The following CHRDL1 variants were observed in gnomAD, a reference collection of about 807,000 sequenced individuals.
The protein encoded by CHRDL1 is chordin-like protein 1.
Under a neutral mutation model 40.9 loss-of-function variants are expected in CHRDL1, and 19 were observed. The observed-to-expected ratio is 0.46, with a 90% CI of 0.32 to 0.68. CHRDL1 has a LOEUF of 0.68. CHRDL1 is among the 30% of genes least tolerant of loss of function. The pLI is 0.03. For missense variants in CHRDL1, 329 were observed against 352.1 expected, an observed-to-expected ratio of 0.93 and a Z score of 0.53; for synonymous variants, 136 against 123.4, an observed-to-expected ratio of 1.10 and a Z score of -0.68.
At chrX:110,689,263 T>A (rs55937617) in intron 8 of CHRDL1, among the ~76,000 whole-genome samples, 1 of 62,472 alleles carries the variant, frequency 1.6e-5, no homozygotes, top group Non-Finnish European at 2.9e-5. Context: ...GCTTTTTTTT[T>A]TTTTTTTAAT....
chrX:110,689,442 ATATATATC>A lies in CHRDL1; in HGVS notation c.779-647_779-640del, dbSNP rs1395553872. Among the ~76,000 whole-genome samples, 26 of 42,407 alleles carry A rather than the reference ATATATATC, an allele frequency of 6.1e-4. 1 individual carries two copies. Among genetic ancestry groups the A allele is most frequent in the African/African-American group, 4.8e-3 (18 of 3,761 alleles). The allele number at this position is 42,407 out of a possible 115,157, so 36.8% of individuals were successfully genotyped here. A position where few individuals can be genotyped will look rare whatever the true frequency, so the allele number is the denominator to read the frequency against. On this transcript the variant is annotated intron_variant, in intron 8 of 11. Coordinates refer to ENST00000372042, the MANE Select transcript of CHRDL1 (RefSeq NM_001143981.2). ...TATATATCTATATATCTATATATCT[ATATATATC>A]TATATATCTATATATATCTATATAT...
At chrX:110,697,702 A>G (rs2070415836) in intron 7 of CHRDL1, among the ~76,000 whole-genome samples, 1 of 108,562 alleles carries the variant, frequency 9.2e-6, no homozygotes, top group South Asian at 4.1e-4. Flanking sequence ...AACGTAATCT[A>G]CAGGGGGCAA....
chrX:110,786,779 T>G (rs1470238702), intron 2 of CHRDL1, among the ~76,000 whole-genome samples: 2 of 112,467 alleles, frequency 1.8e-5, no homozygotes, highest in East Asian at 5.6e-4. Context: ...CAAATGTAGG[T>G]TCCTGAAAAA....
chrX:110,778,429 T>C (rs2089887522), intron 2 of CHRDL1, among the ~76,000 whole-genome samples: 1 of 111,322 alleles, frequency 9.0e-6, no homozygotes, highest in Admixed American at 9.5e-5. Context: ...ATAACCTCAT[T>C]AAAAAGCAGA....
chrX:110,773,230 C>A (rs1426375322), intron 2 of CHRDL1, among the ~76,000 whole-genome samples: 1 of 112,178 alleles, frequency 8.9e-6, no homozygotes, highest in Non-Finnish European at 1.9e-5. Context: ...ATATTTCCTT[C>A]TAAGCACTGC....
rs368442413 is a variant in CHRDL1 at position 110,719,846 on chromosome X, C to T, written c.530G>A (p.Arg177Gln). Residue 177 changes from arginine (R) to glutamine (Q), a missense_variant, in exon 6 of 12, where the codon CGG (arginine) becomes CAG (glutamine). Arg to Gln is a conservative substitution (Grantham distance 43, BLOSUM62 1). Transcript: ENST00000372042. ...TATAACACACCTACCTCTGCATACCCGGCAGCAGGAATCTGGAACAGAGAC... is the reference window on the plus strand; with the variant it reads ...TATAACACACCTACCTCTGCATACCTGGCAGCAGGAATCTGGAACAGAGAC... ...FPVSVPDSCCRVCRGDGELSW... is the reference protein window; with the variant it reads ...FPVSVPDSCCQVCRGDGELSW... The T allele has an allele frequency of 5.8e-6, 7 of 1,198,328 alleles. No homozygotes were observed. Among genetic ancestry groups the T allele is most frequent in the South Asian group, 5.3e-5 (3 of 56,323 alleles).
chrX:110,706,247 A>G (rs912168176), intron 6 of CHRDL1, among the ~76,000 whole-genome samples: 1 of 112,080 alleles, frequency 8.9e-6, no homozygotes, highest in Non-Finnish European at 1.9e-5. Context: ...GTCTTTTTGT[A>G]AAAAACAAAA....
chrX:110,676,117 G>T lies in CHRDL1; in HGVS notation c.*114C>A. ...TATGCTGTGCATGGCGTGAATAATT[G>T]ACTGCATTTGAGTTTGGAGTTTTAG... On this transcript the variant is annotated 3_prime_UTR_variant, in exon 12 of 12. Transcript: ENST00000372042. 1 of 746,670 alleles carries T rather than the reference G, an allele frequency of 1.3e-6. No individual in the cohort carries two copies. 61.5% of individuals were successfully genotyped at this position (746,670 alleles called of 1,213,427 possible).
chrX:110,773,400 C>T (rs1373857638), intron 2 of CHRDL1, among the ~76,000 whole-genome samples: 4 of 111,707 alleles, frequency 3.6e-5, no homozygotes, highest in African/African-American at 1.3e-4. Flanking sequence ...CTTTCTGTTA[C>T]TGATTTCTAG....
intron 2 of CHRDL1, among the ~76,000 whole-genome samples, chrX:110,768,510 C>T (rs2089701120): frequency 1.8e-5 from 2 of 110,584 alleles, no homozygotes; most frequent in Non-Finnish European, 3.8e-5. Flanking sequence ...GGAAGACCTA[C>T]CCACAATTTG....
intron 9 of CHRDL1, among the ~76,000 whole-genome samples, chrX:110,686,751 C>T (rs2070025018): frequency 9.2e-6 from 1 of 108,826 alleles, no homozygotes; most frequent in South Asian, 4.1e-4. Flanking sequence ...GTGGTGCGTG[C>T]CTATAGTCCC....
At chrX:110,783,831 A>T (rs935667930) in intron 2 of CHRDL1, among the ~76,000 whole-genome samples, 1 of 112,231 alleles carries the variant, frequency 8.9e-6, no homozygotes, top group African/African-American at 3.2e-5. Context: ...TGTTTTGCCA[A>T]TCATTACTGA....
chrX:110,761,697 C>T (rs1195420974), intron 3 of CHRDL1, among the ~76,000 whole-genome samples: 2 of 112,023 alleles, frequency 1.8e-5, no homozygotes, highest in Admixed American at 1.9e-4. Context: ...AGCCCCCAAA[C>T]AAATATCTAT....
At chrX:110,731,444 AG>A (rs778500890) in intron 4 of CHRDL1, among the ~76,000 whole-genome samples, 1 of 111,839 alleles carries the variant, frequency 8.9e-6, no homozygotes, top group South Asian at 3.8e-4. Flanking sequence ...TCTCTCAAAA[AG>A]TTGAGCATAG....
intron 6 of CHRDL1, among the ~76,000 whole-genome samples, chrX:110,711,183 C>T (rs1318970442): frequency 3.6e-5 from 4 of 111,811 alleles, no homozygotes; most frequent in African/African-American, 9.8e-5. Flanking sequence ...TATTTTCTAT[C>T]TGCAGTTGGT....
intron 1 of CHRDL1, among the ~76,000 whole-genome samples, chrX:110,794,292 C>T (rs750122419): frequency 8.9e-6 from 1 of 111,931 alleles, no homozygotes; most frequent in Non-Finnish European, 1.9e-5. Context: ...ATACTTTGAC[C>T]CAGTTAACTG....
chrX:110,690,370 A>G lies in CHRDL1; in HGVS notation c.779-1567T>C, dbSNP rs150129408. On this transcript the variant is annotated intron_variant, in intron 8 of 11. Coordinates refer to ENST00000372042, the MANE Select transcript of CHRDL1 (RefSeq NM_001143981.2). Reference sequence around the variant, plus strand: ...GCCACATATATATATATTCTCATATATATATATGAGAATAAATGAATGCAT... The same window carrying G: ...GCCACATATATATATATTCTCATATGTATATATGAGAATAAATGAATGCAT... Among the ~76,000 whole-genome samples, 476 of 108,613 alleles carry G rather than the reference A, an allele frequency of 4.4e-3. 1 individual carries two copies. The highest frequency in any genetic ancestry group is 0.015 in the African/African-American group (454 of 29,770). The allele number at this position is 108,613 out of a possible 115,157, so 94.3% of individuals were successfully genotyped here.
chrX:110,743,939 G>A (rs1225962684), intron 4 of CHRDL1, among the ~76,000 whole-genome samples: 2 of 111,210 alleles, frequency 1.8e-5, no homozygotes, highest in African/African-American at 6.6e-5. Context: ...GGGCAAACGT[G>A]CCTCTGACTC....
chrX:110,767,821 T>C (rs1169889575), intron 2 of CHRDL1, among the ~76,000 whole-genome samples: 1 of 110,295 alleles, frequency 9.1e-6, no homozygotes, highest in Non-Finnish European at 1.9e-5. Flanking sequence ...AATCAGCAAA[T>C]TCAATACAAT....
Sources: allele counts gnomAD v4.1 joint callset (sites outside exome capture counted in the v4.1 genomes callset), GRCh38; gene constraint gnomAD v4.1.1; transcripts MANE v1.5; gene names NCBI Gene and HGNC (gene_info 2026-07-23, HGNC 2026-07-21).